The following STARD9 variants were observed in gnomAD, a reference collection of about 807,000 sequenced individuals.
STARD9 encodes the protein StAR related lipid transfer domain containing 9.
STARD9 carries 346 observed loss-of-function variants against 399.8 expected under a neutral mutation model. The ratio of observed to expected loss-of-function variants is 0.87; its 90% CI spans 0.79 to 0.95. The LOEUF (loss-of-function observed/expected upper bound fraction) is 0.95, where lower values mean the gene tolerates loss of function less well. STARD9 is among the 40% of genes least tolerant of loss of function. The pLI, the probability that STARD9 is intolerant of heterozygous loss-of-function variation, is 0.00. For missense variants in STARD9, 5,832 were observed against 5,667.5 expected, an observed-to-expected ratio of 1.03 and a Z score of -0.93; for synonymous variants, 2,203 against 2,143.5, an observed-to-expected ratio of 1.03 and a Z score of -0.77.
rs374933084 is a variant in STARD9 at position 42,691,163 on chromosome 15, A to G, written c.9585A>G (p.Ala3195=). The part of the protein sequence containing the change: ...NRLDSQAKFV[A]RLKHTCSPQE... ...TGGATTCCCAAGCCAAGTTTGTAGC[A>G]AGGTTAAAACATACCTGCAGCCCCC... Residue 3195 remains alanine, a synonymous_variant, in exon 23 of 33, where the codon GCA becomes GCG. Transcript: ENST00000290607. 25 of 1,537,156 alleles carry G rather than the reference A, an allele frequency of 1.6e-5. 1 individual carries two copies. The highest frequency in any genetic ancestry group is 1.4e-4 in the Admixed American group (7 of 50,986).
At chr15:42,646,356 C>A (rs1472355056) in intron 7 of STARD9, among the ~76,000 whole-genome samples, 1 of 152,208 alleles carries the variant, frequency 6.6e-6, no homozygotes, top group Non-Finnish European at 1.5e-5. Flanking sequence ...CATTGAAATT[C>A]TGTTGTTTAG....
At chr15:42,654,543 T>A (rs1179664707) in intron 9 of STARD9, among the ~76,000 whole-genome samples, 2 of 152,072 alleles carry the variant, frequency 1.3e-5, no homozygotes, top group Non-Finnish European at 2.9e-5. Flanking sequence ...TAAAGACTTA[T>A]CCAAAGAGCT....
At chr15:42,626,963 A>G (rs1341336183) in intron 3 of STARD9, among the ~76,000 whole-genome samples, 1 of 151,644 alleles carries the variant, frequency 6.6e-6, no homozygotes, top group Non-Finnish European at 1.5e-5. Flanking sequence ...CGATCCTTCA[A>G]CTTCAGCCTC....
At chr15:42,629,169 A>G (rs1595669839) in intron 3 of STARD9, among the ~76,000 whole-genome samples, 1 of 151,930 alleles carries the variant, frequency 6.6e-6, no homozygotes, top group Non-Finnish European at 1.5e-5. Flanking sequence ...ATAGGTATAC[A>G]CCACTACACC....
chr15:42,584,570 C>A (rs1274131285), intron 2 of STARD9, among the ~76,000 whole-genome samples: 2 of 152,160 alleles, frequency 1.3e-5, no homozygotes, highest in Non-Finnish European at 2.9e-5. Context: ...TTTATGATGG[C>A]TAGTGGCAGG....
chr15:42,690,296 C>G lies in STARD9; in HGVS notation c.8718C>G (p.Ser2906Arg), dbSNP rs571755992. Residue 2906 changes from serine to arginine, a missense_variant, in exon 23 of 33, where the codon AGC becomes AGG. Around this residue, in one of 2 missense-constraint regions of STARD9, gnomAD observed 5,828 missense variants for 5,651.1 expected, o/e 1.03. Coordinates refer to ENST00000290607, the MANE Select transcript of STARD9 (RefSeq NM_020759.3). ...TTCCACTGCCAGATCAAAGACCAAG[C>G]GCAAATCCTGGGGGAATTGGGGAGG... is the stretch of plus-strand genomic sequence containing the variant. ...RPIPLPDQRPSANPGGIGEEA... is the reference protein window; with the variant it reads ...RPIPLPDQRPRANPGGIGEEA... 40 of 1,537,134 alleles carry G rather than the reference C, an allele frequency of 2.6e-5. No individual in the cohort carries two copies. Among genetic ancestry groups the G allele is most frequent in the Non-Finnish European group, 2.9e-5 (33 of 1,146,922 alleles).
At chr15:42,650,062 C>T (rs1459343444) in intron 7 of STARD9, among the ~76,000 whole-genome samples, 1 of 151,738 alleles carries the variant, frequency 6.6e-6, no homozygotes, top group African/African-American at 2.4e-5. Context: ...GACAGGGTTT[C>T]TCCATGTTCG....
At chr15:42,579,872 T>C (rs748842080) in intron 1 of STARD9, among the ~76,000 whole-genome samples, 2 of 152,170 alleles carry the variant, frequency 1.3e-5, no homozygotes, top group Non-Finnish European at 2.9e-5. Context: ...CAGAGGTCAT[T>C]CTTAGGCATT....
chr15:42,628,975 G>A (rs2059278233), intron 3 of STARD9, among the ~76,000 whole-genome samples: 1 of 152,020 alleles, frequency 6.6e-6, no homozygotes. Context: ...AATGTCATTG[G>A]TATTTTGGTA....
At chr15:42,697,803 A>G (rs1210995917) in intron 26 of STARD9, among the ~76,000 whole-genome samples, 1 of 152,144 alleles carries the variant, frequency 6.6e-6, no homozygotes, top group Non-Finnish European at 1.5e-5. Flanking sequence ...ATTCTCCAAA[A>G]TCCGAAAAAA....
In STARD9 at chr15:42,682,332, G is replaced by A. The variant is rs1233586981; in HGVS notation, c.2294G>A (p.Arg765Gln). Residue 765 changes from arginine (R) to glutamine (Q), a missense_variant, in exon 22 of 33, where the codon CGG becomes CAG. Physicochemically the swap from Arg to Gln is conservative, Grantham distance 43. Around this residue, in one of 2 missense-constraint regions of STARD9, gnomAD observed 5,828 missense variants for 5,651.1 expected, o/e 1.03. Transcript: ENST00000290607. ...TLRAAERNVR[R>Q]KKVSFQLERI... Reference sequence around the variant, plus strand: ...CGGGCAGCAGAGCGGAATGTCCGGCGGAAAAAGGTCTCATTCCAGCTAGAG... The same window carrying A: ...CGGGCAGCAGAGCGGAATGTCCGGCAGAAAAAGGTCTCATTCCAGCTAGAG... 54 of 1,537,198 alleles carry A rather than the reference G, an allele frequency of 3.5e-5. No homozygotes were observed. Among genetic ancestry groups the A allele is most frequent in the Non-Finnish European group, 4.6e-5 (53 of 1,146,892 alleles).
Position 42,690,052 on chromosome 15 carries a change from C to T in STARD9, c.8474C>T (p.Thr2825Ile). The T allele has an allele frequency of 1.3e-6, 2 of 1,537,484 alleles. No individual in the cohort carries two copies. The highest frequency in any genetic ancestry group is 1.7e-6 in the Non-Finnish European group (2 of 1,146,950). The change falls in exon 23 of 33, where the codon ACA becomes ATA. Residue 2825 changes from threonine (T) to isoleucine (I), a missense_variant. Thr to Ile is a moderately conservative substitution (Grantham distance 89, BLOSUM62 -1). Around this residue, in one of 2 missense-constraint regions of STARD9, gnomAD observed 5,828 missense variants for 5,651.1 expected, o/e 1.03. Transcript: ENST00000290607. ...GTGACCTGTGATGTTCAGAATTCTA[C>T]AAGTGCCTCAGGGCCTAAGCAAGAC... ...QSVTCDVQNS[T>I]SASGPKQDHV...
chr15:42,581,430 TG>T, intron 1 of STARD9: 1 of 1,525,492 alleles, frequency 6.6e-7, no homozygotes, highest in Non-Finnish European at 9.0e-7. Flanking sequence ...GGCCACGGTG[TG>T]GGTGGGGAAG....
In STARD9 at chr15:42,692,916, G is replaced by C. The variant is rs1279041888; in HGVS notation, c.11338G>C (p.Gly3780Arg). 41 of 1,537,144 alleles carry C rather than the reference G, an allele frequency of 2.7e-5. No individual in the cohort carries two copies. The highest frequency in any genetic ancestry group is 3.3e-5 in the Non-Finnish European group (38 of 1,146,916). ...TVSQEEGDVP[G>R]VPQKREAEET... The stretch of plus-strand genomic sequence containing the variant: ...GTCTCAAGAAGAGGGAGATGTGCCA[G>C]GGGTACCTCAGAAGAGAGAGGCAGA... Residue 3780 changes from glycine to arginine, a missense_variant, in exon 23 of 33, where the codon GGG becomes CGG. Coordinates refer to ENST00000290607, the MANE Select transcript of STARD9 (RefSeq NM_020759.3).
At chr15:42,646,687 A>T (rs1446478892) in intron 7 of STARD9, among the ~76,000 whole-genome samples, 4 of 152,192 alleles carry the variant, frequency 2.6e-5, no homozygotes, top group African/African-American at 4.8e-5. Flanking sequence ...TTGTTTTCTT[A>T]TCGTTCATGT....
chr15:42,650,116 G>C (rs1295424497), intron 7 of STARD9, among the ~76,000 whole-genome samples: 2 of 151,794 alleles, frequency 1.3e-5, no homozygotes, highest in Non-Finnish European at 2.9e-5. Flanking sequence ...GCCCGCCTCG[G>C]CCTCCCAAAG....
rs971100428 is a variant in STARD9, at chr15:42,694,679, C to A, written c.12916C>A (p.Arg4306=). The A allele has an allele frequency of 3.9e-6, 6 of 1,537,000 alleles. No individual in the cohort carries two copies. In the African/African-American group the frequency reaches 8.2e-5, roughly 21 times the overall value. ...GGATCTTGACTTGCCCAGCAGACGC[C>A]GAGAATACCTGCAGCAACTGAGGAA... is the stretch of plus-strand genomic sequence containing the variant. ...IWDLDLPSRR[R]EYLQQLRKDV... Residue 4306 remains arginine (R), a synonymous_variant, in exon 24 of 33, where the codon CGA becomes AGA. Transcript: ENST00000290607.
Position 42,684,660 on chromosome 15 carries a change from T to A in STARD9, c.3082T>A (p.Phe1028Ile). 1 of 1,537,110 alleles carries A rather than the reference T, an allele frequency of 6.5e-7. No individual in the cohort carries two copies. The highest frequency in any genetic ancestry group is 8.7e-7 in the Non-Finnish European group (1 of 1,146,872). The part of the protein sequence containing the change: ...TAGHGKAVKT[F>I]WTEYKPPSPS... ...TGGGCACGGAAAGGCAGTCAAGACT[T>A]TTTGGACAGAATACAAACCACCTTC... Residue 1028 changes from phenylalanine (F) to isoleucine (I), a missense_variant, in exon 23 of 33, where the codon TTT becomes ATT. Phe to Ile is a conservative substitution (Grantham distance 21). This residue lies in a region of STARD9 where 5,828 missense variants were observed against 5,651.1 expected (regional missense o/e 1.03). Coordinates refer to ENST00000290607, the MANE Select transcript of STARD9 (RefSeq NM_020759.3).
chr15:42,580,611 C>G (rs1419855795), intron 1 of STARD9, among the ~76,000 whole-genome samples: 2 of 151,996 alleles, frequency 1.3e-5, no homozygotes, highest in Admixed American at 6.6e-5. Context: ...GTCAAGAGTT[C>G]GAGACCAGCC....
Sources: gnomAD v4.1 joint callset for allele counts (sites outside exome capture counted in the v4.1 genomes callset) on GRCh38, gnomAD v4.1.1 for gene constraint, gnomAD v4.1.1 regional missense constraint, MANE v1.5 for transcripts, NCBI Gene and HGNC (gene_info 2026-07-23, HGNC 2026-07-21) for gene names.